The following DSCAM variants were observed in gnomAD, a reference collection of about 807,000 sequenced individuals.
DSCAM encodes the protein DS cell adhesion molecule, also known as cell adhesion molecule DSCAM.
Under a neutral mutation model 217.7 loss-of-function variants are expected in DSCAM, and 47 were observed. The ratio of observed to expected loss-of-function variants is 0.22; its 90% CI spans 0.17 to 0.28. The LOEUF (loss-of-function observed/expected upper bound fraction) is 0.28. Ranked by LOEUF, DSCAM falls within the 10% of genes least tolerant of loss-of-function variation. DSCAM has a pLI of 1.00. For synonymous variants in DSCAM, 1,056 were observed against 1,015.3 expected, an observed-to-expected ratio of 1.04 and a Z score of -0.76; for missense variants, 2,080 against 2,618.3, an observed-to-expected ratio of 0.79 and a Z score of 4.49.
chr21:40,435,434 A>G (rs1405836803), intron 3 of DSCAM, among the ~76,000 whole-genome samples: 1 of 152,122 alleles, frequency 6.6e-6, no homozygotes, highest in African/African-American at 2.4e-5. Flanking sequence ...TCTTTATGTC[A>G]AACCCTGGTG....
At position 40,095,955 on chromosome 21, in the gene DSCAM, G is replaced by A. The variant is rs140015916; in HGVS notation, c.3697-2081C>T. ...TACATTGAACTTGATTAGCAGCAGC[G>A]TAGATATTGCAGAAAAACTGATTAG... On this transcript the variant is annotated intron_variant, in intron 20 of 32. Transcript: ENST00000400454. 3.8e-3 allele frequency among the ~76,000 whole-genome samples: 573 copies of A among 152,220 alleles called. 6 individuals carry two copies. The highest frequency in any genetic ancestry group is 0.013 in the African/African-American group (540 of 41,544).
At chr21:40,628,726 TATCTATCTATCTATCTATCTATC>T (rs746686529) in intron 3 of DSCAM, among the ~76,000 whole-genome samples, 2,087 of 144,890 alleles carry the variant, frequency 0.014, 20 homozygotes, top group Middle Eastern at 0.04. Context: ...TCTATCTATC[TATCTATCTATCTATCTATCTATC>T]TTTTCTTGTG....
chr21:40,808,316 AAGT>A (rs1166084202), intron 1 of DSCAM, among the ~76,000 whole-genome samples: 2 of 152,102 alleles, frequency 1.3e-5, no homozygotes, highest in East Asian at 3.9e-4. Context: ...TACAGACCCA[AAGT>A]TCACAAAAAA....
At chr21:40,313,661 T>G (rs891466213) in intron 8 of DSCAM, among the ~76,000 whole-genome samples, 125 of 152,194 alleles carry the variant, frequency 8.2e-4, no homozygotes, top group African/African-American at 2.9e-3. Flanking sequence ...CTCAAAGATG[T>G]TACCTTGCCC....
chr21:40,299,866 C>T (rs1239789714), intron 9 of DSCAM, among the ~76,000 whole-genome samples: 1 of 152,104 alleles, frequency 6.6e-6, no homozygotes, highest in African/African-American at 2.4e-5. Flanking sequence ...GACCTAGATA[C>T]TTTTTTTCTA....
chr21:40,328,300 T>C (rs891210697), intron 8 of DSCAM, among the ~76,000 whole-genome samples: 1 of 152,026 alleles, frequency 6.6e-6, no homozygotes, highest in Non-Finnish European at 1.5e-5. Context: ...CATAGACCAA[T>C]GGACCAGAAT....
At chr21:40,809,660 G>A (rs541782649) in intron 1 of DSCAM, among the ~76,000 whole-genome samples, 17 of 152,166 alleles carry the variant, frequency 1.1e-4, no homozygotes, top group Non-Finnish European at 1.9e-4. Context: ...TCTAGGAGAC[G>A]TCATGCTTCT....
intron 3 of DSCAM, among the ~76,000 whole-genome samples, chr21:40,684,808 C>T (rs560309252): frequency 2.6e-5 from 4 of 152,178 alleles, no homozygotes; most frequent in Non-Finnish European, 5.9e-5. Flanking sequence ...TCCTGTTATT[C>T]TCTTGAATTT....
intron 11 of DSCAM, among the ~76,000 whole-genome samples, chr21:40,196,938 T>C (rs758410588): frequency 2.2e-4 from 33 of 152,310 alleles, no homozygotes; most frequent in Non-Finnish European, 4.6e-4. Context: ...AGACAAAACA[T>C]TTCCAGCAGA....
At chr21:40,442,567 C>T (rs1486280918) in intron 3 of DSCAM, among the ~76,000 whole-genome samples, 7 of 135,004 alleles carry the variant, frequency 5.2e-5, no homozygotes, top group African/African-American at 8.3e-5. Flanking sequence ...TCACCCAGGC[C>T]GGAGTGCAGT....
chr21:40,793,320 A>G (rs1234776897), intron 1 of DSCAM, among the ~76,000 whole-genome samples: 3 of 152,148 alleles, frequency 2.0e-5, no homozygotes, highest in Non-Finnish European at 4.4e-5. Flanking sequence ...TTAATTGGCC[A>G]TATCTGCCAA....
At chr21:40,210,456 T>C (rs2091170936) in intron 11 of DSCAM, among the ~76,000 whole-genome samples, 1 of 152,226 alleles carries the variant, frequency 6.6e-6, no homozygotes, top group African/African-American at 2.4e-5. Context: ...TGAATTTCCA[T>C]AGCTGTGGTG....
intron 11 of DSCAM, among the ~76,000 whole-genome samples, chr21:40,235,248 A>T (rs906505410): frequency 6.6e-6 from 1 of 152,200 alleles, no homozygotes; most frequent in Non-Finnish European, 1.5e-5. Context: ...GAGACTCAAA[A>T]CAGACAGTGG....
In DSCAM at chr21:40,652,362, AC is replaced by A. The variant is rs1442897213; in HGVS notation, c.508+40447del. ...ACAACAACAACAAAAAAAAAAAAAA[AC>A]AACTTCTAGCTATAAGAATCCTGCT... On this transcript the variant is annotated intron_variant, in intron 3 of 32. Transcript: ENST00000400454. Among the ~76,000 whole-genome samples the A allele has an allele frequency of 2.1e-4, 31 of 144,718 alleles. 1 individual carries two copies. The highest frequency in any genetic ancestry group is 8.9e-4 in the Admixed American group (13 of 14,636). 94.9% of individuals were successfully genotyped at this position (144,718 alleles called of 152,430 possible). A position where few individuals can be genotyped will look rare whatever the true frequency, so the allele number is the denominator to read the frequency against.
intron 16 of DSCAM, among the ~76,000 whole-genome samples, chr21:40,155,872 G>T (rs1292450891): frequency 3.3e-5 from 5 of 152,074 alleles, no homozygotes; most frequent in African/African-American, 9.6e-5. Context: ...GGGTGAAGAA[G>T]AATCTTCCTT....
intron 3 of DSCAM, among the ~76,000 whole-genome samples, chr21:40,506,615 G>C (rs1433035091): frequency 2.0e-5 from 3 of 152,120 alleles, no homozygotes; most frequent in Non-Finnish European, 2.9e-5. Context: ...TGTATATATG[G>C]CCAAAGAAAA....
At chr21:40,528,898 CTTTTTTTTTT>C (rs911356584) in intron 3 of DSCAM, among the ~76,000 whole-genome samples, 1 of 99,396 alleles carries the variant, frequency 1.0e-5, no homozygotes, top group Non-Finnish European at 1.8e-5. Flanking sequence ...AGGCTTTCCA[CTTTTTTTTTT>C]TTTTTTTTTT....
intron 2 of DSCAM, among the ~76,000 whole-genome samples, chr21:40,704,905 T>C (rs1414165398): frequency 1.3e-5 from 2 of 152,094 alleles, no homozygotes; most frequent in African/African-American, 2.4e-5. Context: ...GGTGGAAAAT[T>C]AGAAAGAGGA....
At chr21:40,153,662 T>G (rs1044555712) in intron 16 of DSCAM, among the ~76,000 whole-genome samples, 2 of 152,116 alleles carry the variant, frequency 1.3e-5, no homozygotes, top group East Asian at 1.9e-4. Flanking sequence ...TGGAAAACTG[T>G]TAGAGCTGCA....
Sources: allele counts gnomAD v4.1 joint callset (sites outside exome capture counted in the v4.1 genomes callset), GRCh38; gene constraint gnomAD v4.1.1; transcripts MANE v1.5; gene names NCBI Gene and HGNC (gene_info 2026-07-23, HGNC 2026-07-21).